Variants in SDCBP observed in about 807,000 individuals in gnomAD.
SDCBP encodes syntenin-1.
SDCBP carries 22 observed loss-of-function variants against 30.5 expected under a neutral mutation model. That is an observed-to-expected ratio of 0.72 (90% CI 0.52 to 1.03). The LOEUF (loss-of-function observed/expected upper bound fraction) is 1.03, where lower values mean the gene tolerates loss of function less well. Among genes scored for constraint, SDCBP ranks in the 50% least tolerant of loss-of-function variants. The pLI is 0.00. For missense variants in SDCBP, 304 were observed against 369.9 expected (o/e 0.82, Z 1.46); for synonymous variants, 103 against 118.7 (o/e 0.87, Z 0.86).
chr8:58,556,603 G>A (rs1804117116), intron 1 of SDCBP, among the ~76,000 whole-genome samples: 1 of 152,096 alleles, frequency 6.6e-6, no homozygotes, highest in Non-Finnish European at 1.5e-5. Flanking sequence ...GCCATTCTAG[G>A]TGATATTATT....
At chr8:58,575,296 A>C (rs962048013) in intron 4 of SDCBP, among the ~76,000 whole-genome samples, 4 of 152,210 alleles carry the variant, frequency 2.6e-5, no homozygotes, top group Non-Finnish European at 4.4e-5. Context: ...AAAACTGGAA[A>C]GAATTAGAAA....
chr8:58,570,108 G>A (rs1200800425), intron 2 of SDCBP, among the ~76,000 whole-genome samples: 2 of 152,134 alleles, frequency 1.3e-5, no homozygotes, highest in African/African-American at 4.8e-5. Context: ...TGTCTCTAAT[G>A]ACATATAGCT....
At chr8:58,572,127 C>A in intron 3 of SDCBP, 78 bp from the exon 4 acceptor site, 2 of 806,596 alleles carry the variant, frequency 2.5e-6, no homozygotes, top group African/African-American at 1.7e-5. Flanking sequence ...TTTGTTAATA[C>A]GCAGAAGCCC....
chr8:58,570,931 G>C lies in SDCBP; in HGVS notation c.96G>C (p.Leu32Phe), dbSNP rs919727229. 6.2e-7 allele frequency: 1 copy of C among 1,613,196 alleles called. No homozygotes were observed. The highest frequency in any genetic ancestry group is 8.5e-7 in the Non-Finnish European group (1 of 1,179,476). ...CAAACCCTGCCAATCCAGCAATTTT[G>C]TCAGAAGCTTCTGCTCCTATCCCTC... ...FSANPANPAI[L>F]SEASAPIPHD... Residue 32 changes from leucine to phenylalanine, a missense_variant, in exon 3 of 9, where the codon TTG (leucine) becomes TTC (phenylalanine). Coordinates refer to ENST00000260130, the MANE Select transcript of SDCBP (RefSeq NM_005625.4).
rs1440595442 is a variant in SDCBP at position 58,580,502 on chromosome 8, A to C, written c.751-15A>C. On this transcript the variant is annotated splice_polypyrimidine_tract_variant and intron_variant, in intron 7 of 8. Coordinates refer to ENST00000260130, the MANE Select transcript of SDCBP (RefSeq NM_005625.4). ...AGCCTCTGTGGAATTAATTTTTAATATGTGTTTTTATCAGGACTCTCAAAT... is the reference window on the plus strand; with the variant it reads ...AGCCTCTGTGGAATTAATTTTTAATCTGTGTTTTTATCAGGACTCTCAAAT... The C allele has an allele frequency of 3.8e-6, 5 of 1,317,736 alleles. No individual in the cohort carries two copies. The highest frequency in any genetic ancestry group is 5.5e-6 in the Non-Finnish European group (5 of 914,224). 81.6% of individuals were successfully genotyped at this position (1,317,736 alleles called of 1,614,324 possible). A position where few individuals can be genotyped will look rare whatever the true frequency, so the allele number is the denominator to read the frequency against.
rs144842445 is a variant in SDCBP at position 58,579,194 on chromosome 8, A to G, written c.579-429A>G. ...TTTTCAAAATCAAGATGTGAGAAATATTTTAAAGGTTTTAAATAAAAGAAA... is the reference window on the plus strand; with the variant it reads ...TTTTCAAAATCAAGATGTGAGAAATGTTTTAAAGGTTTTAAATAAAAGAAA... On this transcript the variant is annotated intron_variant, in intron 6 of 8. Transcript: ENST00000260130. 4.6e-3 allele frequency among the ~76,000 whole-genome samples: 695 copies of G among 152,194 alleles called. 5 individuals are homozygous for G. The highest frequency in any genetic ancestry group is 0.016 in the African/African-American group (660 of 41,534).
chr8:58,576,076 T>C lies in SDCBP; in HGVS notation c.402+15T>C, dbSNP rs769505222. ...CAATAGATAATGTAAGTATTTTAAA[T>C]ACCTATTTGAATTTGTCTAAATCTC... On this transcript the variant is annotated intron_variant, in intron 5 of 8. Transcript: ENST00000260130. 1.9e-6 allele frequency: 3 copies of C among 1,567,208 alleles called. No individual in the cohort carries two copies. The highest frequency in any genetic ancestry group is 2.6e-6 in the Non-Finnish European group (3 of 1,139,544).
chr8:58,567,892 G>C (rs1040201711), intron 2 of SDCBP, among the ~76,000 whole-genome samples: 1 of 152,108 alleles, frequency 6.6e-6, no homozygotes, highest in East Asian at 1.9e-4. Context: ...CAATGTAAAA[G>C]ATTTAAAATG....
intron 8 of SDCBP, among the ~76,000 whole-genome samples, 159 bp downstream of exon 8, chr8:58,580,767 G>T (rs576774016): frequency 4.6e-5 from 7 of 152,284 alleles, no homozygotes; most frequent in African/African-American, 7.2e-5. Context: ...GGGTTGGTAA[G>T]GATGAGCTCT....
chr8:58,572,973 A>G (rs574796036), intron 4 of SDCBP, among the ~76,000 whole-genome samples: 8 of 151,454 alleles, frequency 5.3e-5, no homozygotes, highest in Admixed American at 2.0e-4. Context: ...TGCCTGGCTA[A>G]TTTTTTGTAT....
Position 58,579,645 on chromosome 8 carries a change from A to G in SDCBP, c.601A>G (p.Met201Val), listed in dbSNP as rs1805564033. 1.9e-6 allele frequency: 3 copies of G among 1,590,006 alleles called. No homozygotes were observed. Among genetic ancestry groups the G allele is most frequent in the South Asian group, 1.1e-5 (1 of 87,350 alleles). Residue 201 changes from methionine (M) to valine (V), a missense_variant, in exon 7 of 9, where the codon ATG (methionine) becomes GTG (valine). Coordinates refer to ENST00000260130, the MANE Select transcript of SDCBP (RefSeq NM_005625.4). Reference sequence around the variant, plus strand: ...TAGGCCCTTTGAACGGACGATTACCATGCATAAGGATAGCACTGGACATGT... The same window carrying G: ...TAGGCCCTTTGAACGGACGATTACCGTGCATAAGGATAGCACTGGACATGT... ...RDRPFERTIT[M>V]HKDSTGHVGF...
At chr8:58,554,935 A>C (rs1048780445) in intron 1 of SDCBP, among the ~76,000 whole-genome samples, 2 of 152,224 alleles carry the variant, frequency 1.3e-5, no homozygotes, top group African/African-American at 2.4e-5. Flanking sequence ...AAAAGGTATA[A>C]AGTAACAAGT....
rs1051777250 is a variant in SDCBP, at chr8:58,575,877, C to T, written c.241-23C>T. 5 of 1,573,962 alleles carry T rather than the reference C, an allele frequency of 3.2e-6. No homozygotes were observed. In the Admixed American group the frequency reaches 8.6e-5, roughly 27 times the overall value. ...CAAGGAGAGTGTTTCTAGATATTGA[C>T]ACATTGTATATGGTTTTGTCAGCAG... On this transcript the variant is annotated intron_variant, in intron 4 of 8. Transcript: ENST00000260130.
intron 1 of SDCBP, chr8:58,561,148 T>C (rs1216782721): frequency 6.6e-6 from 1 of 152,048 alleles, no homozygotes; most frequent in Non-Finnish European, 1.5e-5. Context: ...TTAGTGAACT[T>C]GAAGCCAGGT....
chr8:58,567,985 G>A (rs149836058), intron 2 of SDCBP, among the ~76,000 whole-genome samples: 34 of 152,278 alleles, frequency 2.2e-4, no homozygotes, highest in Non-Finnish European at 1.0e-4. Context: ...TGAGCGGTGA[G>A]TGAATGTGAG....
chr8:58,579,298 G>A (rs1805535925), intron 6 of SDCBP, among the ~76,000 whole-genome samples: 4 of 152,122 alleles, frequency 2.6e-5, no homozygotes, highest in Admixed American at 2.0e-4. Flanking sequence ...CTGTGATTTA[G>A]TTAAAAAGCC....
intron 2 of SDCBP, among the ~76,000 whole-genome samples, chr8:58,567,555 T>A (rs1179436616): frequency 6.6e-6 from 1 of 152,174 alleles, no homozygotes; most frequent in Non-Finnish European, 1.5e-5. Context: ...GGGTTCACTG[T>A]TGGTGTTATA....
At chr8:58,559,024 G>A (rs1208168765) in intron 1 of SDCBP, among the ~76,000 whole-genome samples, 1 of 152,140 alleles carries the variant, frequency 6.6e-6, no homozygotes, top group East Asian at 1.9e-4. Context: ...TACACTTAAA[G>A]CAAACCTGAA....
intron 1 of SDCBP, among the ~76,000 whole-genome samples, chr8:58,559,062 G>A (rs1218605764): frequency 6.6e-5 from 10 of 152,016 alleles, no homozygotes; most frequent in Non-Finnish European, 1.0e-4. Context: ...TGTAAATTAC[G>A]GTAATATTTG....
Sources: allele counts gnomAD v4.1 joint callset (sites outside exome capture counted in the v4.1 genomes callset), GRCh38; gene constraint gnomAD v4.1.1; transcripts MANE v1.5; gene names NCBI Gene and HGNC (gene_info 2026-07-23, HGNC 2026-07-21).